PAPOLA: variants seen among roughly 807,000 people sequenced by gnomAD.
PAPOLA encodes the protein poly(A) polymerase alpha, also known as polynucleotide adenylyltransferase alpha.
PAPOLA carries 15 observed loss-of-function variants against 100.6 expected under a neutral mutation model. That is an observed-to-expected ratio of 0.15 (90% CI 0.10 to 0.23). PAPOLA has a LOEUF of 0.23. Among genes scored for constraint, PAPOLA ranks in the 10% least tolerant of loss-of-function variants. PAPOLA has a pLI of 1.00. For missense variants in PAPOLA, 533 were observed against 884.2 expected (o/e 0.60, Z 5.04); for synonymous variants, 293 against 300.0 (o/e 0.98, Z 0.24).
chr14:96,564,843 G>A, intron 21 of PAPOLA, 112 bp from the exon 22 acceptor site: 1 of 639,716 alleles, frequency 1.6e-6, no homozygotes, highest in South Asian at 2.1e-5. Context: ...TTTTAAATTT[G>A]TAATACTTTT....
At chr14:96,528,287 C>T (rs1185390749) in intron 6 of PAPOLA, among the ~76,000 whole-genome samples, 2 of 152,058 alleles carry the variant, frequency 1.3e-5, no homozygotes, top group Non-Finnish European at 2.9e-5. Context: ...TTCCATATGC[C>T]AGTTTTGTGT....
At chr14:96,528,466 CG>C (rs1273078974) in intron 6 of PAPOLA, among the ~76,000 whole-genome samples, 3 of 152,106 alleles carry the variant, frequency 2.0e-5, no homozygotes, top group African/African-American at 7.2e-5. Flanking sequence ...TTGCTGCTTT[CG>C]GTGTGTGTAA....
At chr14:96,527,157 C>G in intron 4 of PAPOLA, 1 of 413,406 alleles carries the variant, frequency 2.4e-6, no homozygotes, top group South Asian at 3.7e-5. Context: ...AATTCCCTCT[C>G]CACCATGAAA....
In PAPOLA at chr14:96,528,014, A is replaced by G. The variant is rs370458068; in HGVS notation, c.495+8A>G. On this transcript the variant is annotated splice_region_variant and intron_variant, in intron 6 of 21. Coordinates refer to ENST00000216277, the MANE Select transcript of PAPOLA (RefSeq NM_032632.5). ...TGTTTTGATGGGATAGAGGTAAGGT[A>G]TAGTTCAAATTGACAGTTCTTGCTA... 3.2e-6 allele frequency: 5 copies of G among 1,576,142 alleles called. No homozygotes were observed. Among genetic ancestry groups the G allele is most frequent in the Non-Finnish European group, 4.4e-6 (5 of 1,145,562 alleles).
chr14:96,538,549 A>T (rs1027185352), intron 12 of PAPOLA, among the ~76,000 whole-genome samples: 121 of 152,084 alleles, frequency 8.0e-4, no homozygotes, highest in African/African-American at 2.7e-3. Flanking sequence ...AAATAATCAA[A>T]TTTTTTTAGG....
chr14:96,505,199 G>C (rs1400336658), intron 1 of PAPOLA, among the ~76,000 whole-genome samples: 1 of 152,146 alleles, frequency 6.6e-6, no homozygotes, highest in African/African-American at 2.4e-5. Flanking sequence ...GCAGGTGCCT[G>C]TCCTGTGTAT....
intron 19 of PAPOLA, among the ~76,000 whole-genome samples, chr14:96,557,004 G>C (rs1901395503): frequency 6.6e-6 from 1 of 152,048 alleles, no homozygotes; most frequent in Non-Finnish European, 1.5e-5. Flanking sequence ...CTGCCTCCCA[G>C]GTAGCTAGAC....
At chr14:96,503,311 CAG>C (rs1270068877) in intron 1 of PAPOLA, among the ~76,000 whole-genome samples, 2 of 152,152 alleles carry the variant, frequency 1.3e-5, no homozygotes, top group African/African-American at 4.8e-5. Flanking sequence ...ATGGGGTAAC[CAG>C]GTTTCATTCT....
At chr14:96,533,816 G>T (rs1899283195) in intron 9 of PAPOLA, 1 of 856,128 alleles carries the variant, frequency 1.2e-6, no homozygotes, top group Non-Finnish European at 1.4e-6. Flanking sequence ...GCCTCCCATA[G>T]TGCTGGGATT....
chr14:96,565,126 A>G lies in PAPOLA; in HGVS notation c.*76A>G. ...TTCAAATGCTAAAAAAGGAGAATGG[A>G]GGGTACAAGACTAGACATGACTGAA... On this transcript the variant is annotated 3_prime_UTR_variant, in exon 22 of 22. Coordinates refer to ENST00000216277, the MANE Select transcript of PAPOLA (RefSeq NM_032632.5). 1 of 841,302 alleles carries G rather than the reference A, an allele frequency of 1.2e-6. No individual in the cohort carries two copies. The highest frequency in any genetic ancestry group is 2.1e-6 in the Non-Finnish European group (1 of 482,910). The allele number at this position is 841,302 out of a possible 1,614,324, so 52.1% of individuals were successfully genotyped here.
intron 15 of PAPOLA, among the ~76,000 whole-genome samples, chr14:96,544,658 A>G (rs930072092): frequency 6.6e-6 from 1 of 151,970 alleles, no homozygotes; most frequent in Non-Finnish European, 1.5e-5. Context: ...ATTTTTCTCT[A>G]TTGTGGTGAC....
chr14:96,535,520 G>A, intron 10 of PAPOLA: 2 of 990,746 alleles, frequency 2.0e-6, no homozygotes, highest in Non-Finnish European at 2.4e-6. Flanking sequence ...ACAAAACATT[G>A]TAGCATGACA....
chr14:96,512,320 G>C (rs757975667), intron 1 of PAPOLA, among the ~76,000 whole-genome samples: 3 of 151,782 alleles, frequency 2.0e-5, no homozygotes, highest in Admixed American at 2.0e-4. Context: ...AGGGAGGATC[G>C]CCTGAGCTCA....
In PAPOLA at chr14:96,563,882, T is replaced by C. The variant is rs111754386; in HGVS notation, c.2142+989T>C. Among the ~76,000 whole-genome samples the C allele has an allele frequency of 6.6e-5, 10 of 152,250 alleles. 2 individuals are homozygous for C. Among genetic ancestry groups the C allele is most frequent in the African/African-American group, 2.4e-4 (10 of 41,576 alleles). Reference sequence around the variant, plus strand: ...CCTGTGATTGTGATTGCATGTTTTTTGGTTTGCCACATACTCTCGGGACTT... The same window carrying C: ...CCTGTGATTGTGATTGCATGTTTTTCGGTTTGCCACATACTCTCGGGACTT... On this transcript the variant is annotated intron_variant, in intron 21 of 21. Transcript: ENST00000216277.
intron 15 of PAPOLA, among the ~76,000 whole-genome samples, chr14:96,546,531 T>C (rs939748860): frequency 6.6e-6 from 1 of 152,222 alleles, no homozygotes; most frequent in Non-Finnish European, 1.5e-5. Context: ...CCTCCTGTTA[T>C]AAGTTCACAG....
chr14:96,506,728 G>T (rs1896740085), intron 1 of PAPOLA, among the ~76,000 whole-genome samples: 1 of 152,142 alleles, frequency 6.6e-6, no homozygotes, highest in South Asian at 2.1e-4. Context: ...ATATTTGGTA[G>T]ACCTGTATAA....
At chr14:96,533,928 G>T in intron 9 of PAPOLA, 1 of 985,104 alleles carries the variant, frequency 1.0e-6, no homozygotes, top group Non-Finnish European at 1.2e-6. Context: ...GTTAAGAGTG[G>T]CAGGTGTTCT....
intron 3 of PAPOLA, among the ~76,000 whole-genome samples, chr14:96,522,116 CTTTT>C (rs754167531): frequency 2.1e-4 from 12 of 57,838 alleles, no homozygotes; most frequent in Non-Finnish European, 2.9e-4. Context: ...TTCTTTCTTT[CTTTT>C]TTTTTTTTTT....
At chr14:96,542,166 G>A in intron 12 of PAPOLA, 77 bp from the exon 13 acceptor site, 1 of 862,890 alleles carries the variant, frequency 1.2e-6, no homozygotes, top group Non-Finnish European at 1.9e-6. Context: ...CTGTAAGGAA[G>A]CTTATTACTT....
Sources: allele counts gnomAD v4.1 joint callset (sites outside exome capture counted in the v4.1 genomes callset), GRCh38; gene constraint gnomAD v4.1.1; transcripts MANE v1.5; gene names NCBI Gene and HGNC (gene_info 2026-07-23, HGNC 2026-07-21).